SLC27A5: variants seen among roughly 807,000 people sequenced by gnomAD.
SLC27A5 encodes long-chain fatty acid transport protein 5.
SLC27A5 carries 47 observed loss-of-function variants against 63.1 expected under a neutral mutation model. That is an observed-to-expected ratio of 0.74 (90% CI 0.59 to 0.95). The LOEUF is 0.95. Ranked by LOEUF, SLC27A5 falls within the 40% of genes least tolerant of loss-of-function variation. The pLI is 0.00. For missense variants in SLC27A5, 940 were observed against 921.0 expected (o/e 1.02, Z -0.27); for synonymous variants, 391 against 403.8 (o/e 0.97, Z 0.38).
At chr19:58,510,654 G>T in intron 2 of SLC27A5, 67 bp downstream of exon 2, 1 of 1,355,854 alleles carries the variant, frequency 7.4e-7, no homozygotes. Context: ...TGAGTCACAA[G>T]TCAAGTGTGG....
intron 3 of SLC27A5, among the ~76,000 whole-genome samples, chr19:58,505,790 G>A (rs1285264669): frequency 6.7e-6 from 1 of 148,498 alleles, no homozygotes; most frequent in East Asian, 2.0e-4. Context: ...AGAGGTTGCA[G>A]TGAGCCGACA....
At chr19:58,510,663 G>A in intron 2 of SLC27A5, 58 bp downstream of exon 2, 2 of 1,406,644 alleles carry the variant, frequency 1.4e-6, no homozygotes, top group African/African-American at 2.9e-5. Flanking sequence ...AGTCAAGTGT[G>A]GGGTCAGGTC....
At chr19:58,502,955 C>T (rs570828324) in intron 3 of SLC27A5, among the ~76,000 whole-genome samples, 16 of 152,002 alleles carry the variant, frequency 1.1e-4, no homozygotes, top group Non-Finnish European at 2.2e-4. Context: ...GCCTGTAATC[C>T]CAGGACTTAG....
rs375870114 is a variant in SLC27A5, at chr19:58,500,388, C to T, written c.1419G>A (p.Ala473=). 4.2e-5 allele frequency: 68 copies of T among 1,613,780 alleles called. No individual in the cohort carries two copies. The African/African-American group carries it at 5.2e-4, about 12-fold the overall frequency. ...PFELVQFDME[A]AEPVRDNQGF... ...CCTGATTGTCCCTCACAGGCTCCGC[C>T]GCCTCCATGTCGAACTGCACCAGCT... is the stretch of plus-strand genomic sequence containing the variant. Residue 473 remains alanine, a synonymous_variant, in exon 6 of 10, where the codon GCG becomes GCA. Transcript: ENST00000263093.
At chr19:58,501,047 C>G in intron 4 of SLC27A5, 1 of 1,222,608 alleles carries the variant, frequency 8.2e-7, no homozygotes, top group Non-Finnish European at 1.1e-6. Context: ...TGGAAATTCT[C>G]ATGATAGGGG....
intron 2 of SLC27A5, 26 bp downstream of exon 2, chr19:58,510,695 G>T: frequency 3.8e-6 from 6 of 1,564,804 alleles, no homozygotes; most frequent in Non-Finnish European, 5.2e-6. Context: ...TCAGAGGCTG[G>T]TGCTAGGGCT....
chr19:58,511,092 G>A lies in SLC27A5; in HGVS notation c.689-162C>T, dbSNP rs1002301103. The A allele has an allele frequency of 1.6e-5, 15 of 938,828 alleles. No individual in the cohort carries two copies. In the African/African-American group the frequency reaches 2.5e-4, roughly 16 times the overall value. The allele number at this position is 938,828 out of a possible 1,614,324, so 58.2% of individuals were successfully genotyped here. ...TCATTAGTATTTTTGGTCAAATTGTGGGAAAATTAAACTCTGATGACCTGA... is the reference window on the plus strand; with the variant it reads ...TCATTAGTATTTTTGGTCAAATTGTAGGAAAATTAAACTCTGATGACCTGA... On this transcript the variant is annotated intron_variant, in intron 1 of 9. Transcript: ENST00000263093.
Position 58,500,557 on chromosome 19 carries a change from A to G in SLC27A5, c.1332T>C (p.Tyr444=). The change falls in exon 5 of 10, where the codon TAT becomes TAC. Residue 444 remains tyrosine (Y), a synonymous_variant. Transcript: ENST00000263093. ...STEGNMGLVN[Y]VGRCGALGKM... is the part of the protein sequence containing the mutation. The stretch of plus-strand genomic sequence containing the variant: ...TGCCCAGGGCCCCGCAGCGCCCCAC[A>G]TAGTTGACTAAGCCCATGTTGCCTT... The G allele has an allele frequency of 6.2e-7, 1 of 1,614,070 alleles. No homozygotes were observed. The highest frequency in any genetic ancestry group is 8.5e-7 in the Non-Finnish European group (1 of 1,180,012).
intron 2 of SLC27A5, chr19:58,510,424 A>G (rs1481339297): frequency 5.6e-6 from 2 of 358,400 alleles, no homozygotes; most frequent in Non-Finnish European, 1.0e-5. Context: ...AAATACAAAA[A>G]TTAGCTGGGC....
intron 7 of SLC27A5, 119 bp from the exon 8 acceptor site, chr19:58,499,339 A>G: frequency 7.4e-7 from 1 of 1,347,842 alleles, no homozygotes; most frequent in South Asian, 1.3e-5. Flanking sequence ...CCCCTCGAAA[A>G]TCGAGAAGCC....
In SLC27A5 at chr19:58,511,969, C is replaced by T. The variant is rs779691935; in HGVS notation, c.-14G>A. The T allele has an allele frequency of 5.2e-5, 80 of 1,524,726 alleles. No individual in the cohort carries two copies. Among genetic ancestry groups the T allele is most frequent in the Non-Finnish European group, 6.0e-5 (68 of 1,137,384 alleles). 94.4% of individuals were successfully genotyped at this position (1,524,726 alleles called of 1,614,324 possible). A position where few individuals can be genotyped will look rare whatever the true frequency, so the allele number is the denominator to read the frequency against. The stretch of plus-strand genomic sequence containing the variant: ...CCTGACACCCATGGTACCAGCTCCT[C>T]CCTAGGAGCAGCAGCTGTGGAGTGT... On this transcript the variant is annotated 5_prime_UTR_variant, in exon 1 of 10. Coordinates refer to ENST00000263093, the MANE Select transcript of SLC27A5 (RefSeq NM_012254.3).
In SLC27A5 at chr19:58,511,641, CCT is replaced by C. The variant is rs774554595; in HGVS notation, c.313_314del (p.Arg105GlyfsTer9). On this transcript the variant is annotated frameshift_variant, in exon 1 of 10. Coordinates refer to ENST00000263093, the MANE Select transcript of SLC27A5 (RefSeq NM_012254.3). LOFTEE classifies it high-confidence loss of function. ...AKILHLGLKI[R>X]GCLSRQPPDT... ...CAGGCGGCTGCCGGCTCAAGCATCC[CCT>C]GATCTTCAGGCCCAGGTGGAGGATC... is the stretch of plus-strand genomic sequence containing the variant. The C allele has an allele frequency of 2.5e-6, 4 of 1,601,046 alleles. No homozygotes were observed. Among genetic ancestry groups the C allele is most frequent in the Admixed American group, 1.7e-5 (1 of 58,916 alleles).
At chr19:58,507,869 A>G (rs2053364703) in intron 3 of SLC27A5, 1 of 152,186 alleles carries the variant, frequency 6.6e-6, no homozygotes, top group South Asian at 2.1e-4. Context: ...TAGGGTGGGG[A>G]AAAACCCCGC....
chr19:58,503,082 G>T (rs1443146433), intron 3 of SLC27A5, among the ~76,000 whole-genome samples: 1 of 152,056 alleles, frequency 6.6e-6, no homozygotes, highest in African/African-American at 2.4e-5. Flanking sequence ...GCGGGCGCCT[G>T]TAGTCCCAGC....
chr19:58,500,550 G>A lies in SLC27A5; in HGVS notation c.1339C>T (p.Arg447Cys), dbSNP rs558863851. 2.4e-5 allele frequency: 39 copies of A among 1,614,030 alleles called. No individual in the cohort carries two copies. Among genetic ancestry groups the A allele is most frequent in the African/African-American group, 1.2e-4 (9 of 75,012 alleles). Residue 447 changes from arginine (R) to cysteine (C), a missense_variant, in exon 5 of 10, where the codon CGC (arginine) becomes TGC (cysteine). Transcript: ENST00000263093. ...GNMGLVNYVG[R>C]CGALGKMSCL... ...CTCATCTTGCCCAGGGCCCCGCAGC[G>A]CCCCACATAGTTGACTAAGCCCATG...
Position 58,511,433 on chromosome 19 carries a change from T to C in SLC27A5, c.523A>G (p.Thr175Ala). ...DPASLCAGEP[T>A]ALLVLASQAV... ...TGGGAAGCCAGCACAAGGAGGGCAG[T>C]AGGCTCCCCGGCACACAGGCTCGCA... The change falls in exon 1 of 10, where the codon ACT (threonine) becomes GCT (alanine). Residue 175 changes from threonine to alanine, a missense_variant. Transcript: ENST00000263093. 1.2e-6 allele frequency: 2 copies of C among 1,604,368 alleles called. No individual in the cohort carries two copies. Among genetic ancestry groups the C allele is most frequent in the Non-Finnish European group, 1.7e-6 (2 of 1,175,834 alleles).
At position 58,501,278 on chromosome 19, in the gene SLC27A5, A is replaced by C; in HGVS notation, c.1182+8T>G. 1 of 1,612,508 alleles carries C rather than the reference A, an allele frequency of 6.2e-7. No homozygotes were observed. Among genetic ancestry groups the C allele is most frequent in the South Asian group, 1.1e-5 (1 of 90,982 alleles). On this transcript the variant is annotated splice_region_variant and intron_variant, in intron 4 of 9. Transcript: ENST00000263093. ...GTTCACCATGGAGCCCTAATCTTAG[A>C]GCCTCACCTGGGGAATGTTACACAA...
At chr19:58,504,514 C>T (rs202237005) in intron 3 of SLC27A5, among the ~76,000 whole-genome samples, 2 of 126,882 alleles carry the variant, frequency 1.6e-5, no homozygotes, top group African/African-American at 3.0e-5. Flanking sequence ...CCGCTTGTGG[C>T]GGTGCGTGCC....
chr19:58,501,537 G>T, intron 3 of SLC27A5, 127 bp from the exon 4 acceptor site: 2 of 1,063,998 alleles, frequency 1.9e-6, no homozygotes, highest in Non-Finnish European at 2.7e-6. Flanking sequence ...TCATCTTTGT[G>T]TCCTTGGCCC....
Sources: gnomAD v4.1 joint callset for allele counts (sites outside exome capture counted in the v4.1 genomes callset) on GRCh38, gnomAD v4.1.1 for gene constraint, MANE v1.5 for transcripts, NCBI Gene and HGNC (gene_info 2026-07-23, HGNC 2026-07-21) for gene names.